The following KCTD16 variants were observed in gnomAD, a reference collection of about 807,000 sequenced individuals.
KCTD16 encodes the protein BTB/POZ domain-containing protein KCTD16.
In KCTD16, 13 loss-of-function variants were observed where a neutral mutation model predicts 33.2. The observed-to-expected ratio is 0.39, with a 90% CI of 0.25 to 0.62. The LOEUF (loss-of-function observed/expected upper bound fraction) is 0.62, where lower values mean the gene tolerates loss of function less well. KCTD16 is among the 20% of genes least tolerant of loss of function. The pLI, the probability that KCTD16 is intolerant of heterozygous loss-of-function variation, is 0.50. For synonymous variants in KCTD16, 197 were observed against 195.3 expected (o/e 1.01, Z -0.07); for missense variants, 441 against 525.1 (o/e 0.84, Z 1.57).
intron 3 of KCTD16, among the ~76,000 whole-genome samples, chr5:144,273,098 A>G (rs769755652): frequency 6.6e-6 from 1 of 152,190 alleles, no homozygotes; most frequent in Non-Finnish European, 1.5e-5. Flanking sequence ...AATATTCCAG[A>G]TATATAGTGA....
chr5:144,415,195 C>T (rs1276403640), intron 3 of KCTD16, among the ~76,000 whole-genome samples: 2 of 152,112 alleles, frequency 1.3e-5, no homozygotes, highest in Non-Finnish European at 2.9e-5. Flanking sequence ...AACCAACTCC[C>T]ATGATAATGA....
At chr5:144,257,520 G>T (rs1043046800) in intron 3 of KCTD16, among the ~76,000 whole-genome samples, 1 of 151,580 alleles carries the variant, frequency 6.6e-6, no homozygotes. Flanking sequence ...ACAGAGTCTC[G>T]CTCTGTCGCC....
rs780115075 is a variant in KCTD16, at chr5:144,473,882, A to T, written c.1055A>T (p.Gln352Leu). ...CGTCCCATCAAGAAGGGCCCTGTCC[A>T]GCTGATCCAACAGTCAGAGATGCGG... ...LDRPIKKGPV[Q>L]LIQQSEMRRK... Residue 352 changes from glutamine to leucine, a missense_variant, in exon 4 of 4, where the codon CAG (glutamine) becomes CTG (leucine). Gln to Leu is a moderately radical substitution (Grantham distance 113, BLOSUM62 -2). Coordinates refer to ENST00000512467, the MANE Select transcript of KCTD16 (RefSeq NM_020768.4). 1.2e-6 allele frequency: 2 copies of T among 1,614,138 alleles called. No homozygotes were observed. Among genetic ancestry groups the T allele is most frequent in the South Asian group, 2.2e-5 (2 of 91,080 alleles).
chr5:144,237,574 T>C (rs1473869401), intron 3 of KCTD16, among the ~76,000 whole-genome samples: 1 of 152,132 alleles, frequency 6.6e-6, no homozygotes, highest in East Asian at 1.9e-4. Flanking sequence ...TAGTACAGCA[T>C]TTCCTTCTTT....
chr5:144,176,471 C>G (rs559718854), intron 2 of KCTD16, among the ~76,000 whole-genome samples: 1 of 144,736 alleles, frequency 6.9e-6, no homozygotes, highest in African/African-American at 2.5e-5. Flanking sequence ...GGCGCAATCT[C>G]GGCTCACTGC....
At chr5:144,308,583 T>C (rs1274987279) in intron 3 of KCTD16, among the ~76,000 whole-genome samples, 1 of 152,228 alleles carries the variant, frequency 6.6e-6, no homozygotes, top group African/African-American at 2.4e-5. Context: ...TCCCATCCTA[T>C]GCTGGTTTGA....
rs13436923 is a variant in KCTD16 at position 144,213,413 on chromosome 5, C to T, written c.832+5867C>T. On this transcript the variant is annotated intron_variant, in intron 3 of 3. Transcript: ENST00000512467. ...TTTCTTTCTCTCTCTTTCTTTTTTT[C>T]TCTCTCTCTTTCTTTTTCTTTCTCC... Among the ~76,000 whole-genome samples, 1,395 of 147,814 alleles carry T rather than the reference C, an allele frequency of 9.4e-3. 25 individuals are homozygous for T. Among genetic ancestry groups the T allele is most frequent in the African/African-American group, 0.032 (1,266 of 40,160 alleles).
At chr5:144,343,063 G>A (rs1417879905) in intron 3 of KCTD16, among the ~76,000 whole-genome samples, 1 of 152,160 alleles carries the variant, frequency 6.6e-6, no homozygotes, top group Non-Finnish European at 1.5e-5. Context: ...TCTCTGCCAG[G>A]CTTTGGTATC....
chr5:144,186,100 T>G (rs1752719245), intron 2 of KCTD16, among the ~76,000 whole-genome samples: 1 of 152,166 alleles, frequency 6.6e-6, no homozygotes. Flanking sequence ...CAGAGCCTCT[T>G]CTATAATCTA....
At chr5:144,440,265 A>G (rs1468484128) in intron 3 of KCTD16, among the ~76,000 whole-genome samples, 1 of 152,194 alleles carries the variant, frequency 6.6e-6, no homozygotes, top group Non-Finnish European at 1.5e-5. Flanking sequence ...AGTTTCTCAC[A>G]GTTTGGATGT....
chr5:144,369,445 A>T (rs1751916872), intron 3 of KCTD16: 1 of 152,050 alleles, frequency 6.6e-6, no homozygotes, highest in African/African-American at 2.4e-5. Context: ...CTGAACCCCA[A>T]CCTGTAGTCA....
chr5:144,345,636 T>A (rs1450721960), intron 3 of KCTD16, among the ~76,000 whole-genome samples: 1 of 152,136 alleles, frequency 6.6e-6, no homozygotes, highest in Non-Finnish European at 1.5e-5. Flanking sequence ...GTGAACAAGA[T>A]AGGTAAGAGT....
rs963572191 is a variant in KCTD16 at position 144,478,838 on chromosome 5, A to T, written c.*4724A>T. 9 of 152,050 alleles carry T rather than the reference A, an allele frequency of 5.9e-5. No individual in the cohort carries two copies. The highest frequency in any genetic ancestry group is 5.9e-4 in the Admixed American group (9 of 15,246). The allele number at this position is 152,050 out of a possible 1,614,324, so 9.4% of individuals were successfully genotyped here. A position where few individuals can be genotyped will look rare whatever the true frequency, so the allele number is the denominator to read the frequency against. On this transcript the variant is annotated 3_prime_UTR_variant, in exon 4 of 4. Coordinates refer to ENST00000512467, the MANE Select transcript of KCTD16 (RefSeq NM_020768.4). ...AAGAAAAATATCCTAAGACTAGGGC[A>T]GAATAGATTTTCATGAATTCTTTGC...
intron 3 of KCTD16, among the ~76,000 whole-genome samples, chr5:144,301,737 T>A (rs764183535): frequency 6.6e-6 from 1 of 152,182 alleles, no homozygotes; most frequent in Admixed American, 6.5e-5. Context: ...AAAAAGTGTC[T>A]TGATGCTTCC....
intron 3 of KCTD16, among the ~76,000 whole-genome samples, chr5:144,436,744 C>T (rs1174851904): frequency 8.6e-5 from 13 of 151,778 alleles, no homozygotes; most frequent in African/African-American, 1.2e-4. Context: ...CATGCCGCCA[C>T]GCCCAGCTAA....
intron 2 of KCTD16, among the ~76,000 whole-genome samples, chr5:144,180,462 A>G (rs1171393466): frequency 6.6e-6 from 1 of 152,160 alleles, no homozygotes; most frequent in Non-Finnish European, 1.5e-5. Context: ...AAACAAACAA[A>G]CAAAAAACTC....
chr5:144,229,283 G>T (rs188282079), intron 3 of KCTD16, among the ~76,000 whole-genome samples: 16 of 152,090 alleles, frequency 1.1e-4, no homozygotes, highest in Non-Finnish European at 2.9e-5. Context: ...AAGGAGAGGG[G>T]GGACAATGAA....
intron 3 of KCTD16, among the ~76,000 whole-genome samples, chr5:144,394,522 G>T (rs1752521724): frequency 6.6e-6 from 1 of 152,146 alleles, no homozygotes; most frequent in Non-Finnish European, 1.5e-5. Context: ...ATTAAGTATT[G>T]ATATATGCCC....
At chr5:144,271,511 A>G (rs1484752208) in intron 3 of KCTD16, among the ~76,000 whole-genome samples, 2 of 152,112 alleles carry the variant, frequency 1.3e-5, no homozygotes, top group Non-Finnish European at 2.9e-5. Context: ...AACATAATAT[A>G]AGCCATATAT....
Sources: gnomAD v4.1 joint callset for allele counts (sites outside exome capture counted in the v4.1 genomes callset) on GRCh38, gnomAD v4.1.1 for gene constraint, MANE v1.5 for transcripts, NCBI Gene and HGNC (gene_info 2026-07-23, HGNC 2026-07-21) for gene names.